The following PCDH15 variants were observed in gnomAD, a reference collection of about 807,000 sequenced individuals.
The protein encoded by PCDH15 is protocadherin-15.
A neutral mutation model predicts 178.5 loss-of-function variants in PCDH15; 129 were observed. The observed-to-expected ratio is 0.72, with a 90% CI of 0.63 to 0.84. The LOEUF (loss-of-function observed/expected upper bound fraction) is 0.84, where lower values mean the gene tolerates loss of function less well. PCDH15 is among the 40% of genes least tolerant of loss of function. The pLI is 0.00. For synonymous variants in PCDH15, 800 were observed against 732.0 expected (o/e 1.09, Z -1.50); for missense variants, 2,230 against 2,099.9 (o/e 1.06, Z -1.21).
At chr10:55,403,553 G>T (rs1234687415) in intron 2 of PCDH15, among the ~76,000 whole-genome samples, 2 of 151,830 alleles carry the variant, frequency 1.3e-5, no homozygotes, top group African/African-American at 4.8e-5. Flanking sequence ...TATGGTGAGA[G>T]ATAGGGGTCT....
chr10:55,101,461 C>G (rs918894133), intron 2 of PCDH15, among the ~76,000 whole-genome samples: 2 of 151,506 alleles, frequency 1.3e-5, no homozygotes, highest in African/African-American at 2.4e-5. Context: ...CCTCCACAGC[C>G]ATGCAAAATA....
intron 2 of PCDH15, among the ~76,000 whole-genome samples, chr10:55,541,771 A>G (rs1479242689): frequency 6.6e-6 from 1 of 151,834 alleles, no homozygotes; most frequent in African/African-American, 2.4e-5. Flanking sequence ...AGTTAATTAC[A>G]TTTTCATTTT....
chr10:53,935,561 A>G (rs1282340789), intron 25 of PCDH15, among the ~76,000 whole-genome samples: 1 of 152,188 alleles, frequency 6.6e-6, no homozygotes, highest in Non-Finnish European at 1.5e-5. Context: ...AATGAATTTT[A>G]TGGGAGCATA....
chr10:53,944,803 G>C (rs948657410), intron 23 of PCDH15, among the ~76,000 whole-genome samples: 2 of 152,158 alleles, frequency 1.3e-5, no homozygotes, highest in African/African-American at 4.8e-5. Context: ...GATATGAACT[G>C]GAACATGGGA....
At chr10:55,022,533 A>G (rs988027731) in intron 2 of PCDH15, among the ~76,000 whole-genome samples, 10 of 152,058 alleles carry the variant, frequency 6.6e-5, no homozygotes, top group African/African-American at 2.4e-4. Flanking sequence ...GCATTTGTTA[A>G]TTAGCTAGAT....
rs565934653 is a variant in PCDH15, at chr10:54,923,261, G to T, written c.-79-25761C>A. Among the ~76,000 whole-genome samples the T allele has an allele frequency of 8.0e-5, 11 of 138,304 alleles. 3 individuals are homozygous for T. Among genetic ancestry groups the T allele is most frequent in the African/African-American group, 2.7e-4 (11 of 40,038 alleles). 90.7% of individuals were successfully genotyped at this position (138,304 alleles called of 152,430 possible). A position where few individuals can be genotyped will look rare whatever the true frequency, so the allele number is the denominator to read the frequency against. ...GCAGTGCAGAGCAAAGGGTCCCTGG[G>T]TCTAGCCCATGAAACCAATTTTTTT... On this transcript the variant is annotated intron_variant, in intron 2 of 5. Transcript: ENST00000458638.
At position 54,878,287 on chromosome 10, in the gene PCDH15, C is replaced by A. The variant is rs1954190786; in HGVS notation, c.-29+19163G>T. Among the ~76,000 whole-genome samples, 5 of 152,106 alleles carry A rather than the reference C, an allele frequency of 3.3e-5. No homozygotes were observed. The South Asian group carries it at 8.3e-4, about 25-fold the overall frequency. ...CAGAAGTTCTCTCTTAAAGATCTAG[C>A]AATCAAGCAACTTTAGGGAAAATTA... On this transcript the variant is annotated intron_variant, in intron 3 of 5. Transcript: ENST00000458638.
At chr10:54,590,603 G>A (rs1428604193) in intron 2 of PCDH15, among the ~76,000 whole-genome samples, 1 of 152,110 alleles carries the variant, frequency 6.6e-6, no homozygotes, top group Non-Finnish European at 1.5e-5. Flanking sequence ...TAATGGTTGA[G>A]CAAAGTAGCA....
chr10:53,879,852 A>G (rs1441891507), intron 26 of PCDH15, among the ~76,000 whole-genome samples: 3 of 152,118 alleles, frequency 2.0e-5, no homozygotes, highest in Non-Finnish European at 4.4e-5. Context: ...TGGTTTTGCC[A>G]TGTTGGCCAG....
At chr10:54,969,959 G>A (rs1838890675) in intron 2 of PCDH15, among the ~76,000 whole-genome samples, 1 of 152,120 alleles carries the variant, frequency 6.6e-6, no homozygotes, top group Non-Finnish European at 1.5e-5. Context: ...CTTTTTGCAA[G>A]CCTTCCTATG....
chr10:54,602,943 CTT>C (rs2092602804), intron 2 of PCDH15, among the ~76,000 whole-genome samples: 2 of 148,112 alleles, frequency 1.4e-5, no homozygotes, highest in Non-Finnish European at 2.9e-5. Flanking sequence ...TTGTGGATGT[CTT>C]TGGTTATCAG....
chr10:55,512,563 G>A (rs1044888568), intron 2 of PCDH15, among the ~76,000 whole-genome samples: 2 of 151,942 alleles, frequency 1.3e-5, no homozygotes, highest in African/African-American at 2.4e-5. Context: ...GTGAACCTAG[G>A]GGAGAAAATT....
intron 8 of PCDH15, among the ~76,000 whole-genome samples, chr10:54,270,441 T>C (rs980619914): frequency 6.6e-6 from 1 of 152,126 alleles, no homozygotes; most frequent in Non-Finnish European, 1.5e-5. Context: ...ACTTCCTGAA[T>C]TGCACAAACT....
intron 3 of PCDH15, among the ~76,000 whole-genome samples, chr10:54,379,720 C>A (rs1455229743): frequency 1.3e-5 from 2 of 151,972 alleles, no homozygotes; most frequent in Admixed American, 1.3e-4. Context: ...ACTCAAATAC[C>A]ATTTTTCCCT....
chr10:55,369,889 C>T (rs1845460299), intron 2 of PCDH15, among the ~76,000 whole-genome samples: 1 of 151,794 alleles, frequency 6.6e-6, no homozygotes, highest in Admixed American at 6.6e-5. Context: ...GACTGAGACA[C>T]ATGCTTATTC....
intron 2 of PCDH15, among the ~76,000 whole-genome samples, chr10:55,105,947 G>A (rs1046676268): frequency 1.3e-5 from 2 of 151,898 alleles, no homozygotes; most frequent in African/African-American, 4.8e-5. Context: ...ATTTTATCCT[G>A]ACTAGCTCTC....
At chr10:55,327,990 T>C (rs1844079066) in intron 2 of PCDH15, among the ~76,000 whole-genome samples, 1 of 152,068 alleles carries the variant, frequency 6.6e-6, no homozygotes, top group Admixed American at 6.6e-5. Flanking sequence ...GTTTATGCTA[T>C]TGTTGTTTGG....
intron 3 of PCDH15, among the ~76,000 whole-genome samples, chr10:54,400,129 C>G (rs1951750757): frequency 6.6e-6 from 1 of 152,016 alleles, no homozygotes; most frequent in African/African-American, 2.4e-5. Context: ...GATTTCTAGC[C>G]AAACTTAGAA....
chr10:55,006,399 T>A (rs967520730), intron 2 of PCDH15, among the ~76,000 whole-genome samples: 1 of 152,224 alleles, frequency 6.6e-6, no homozygotes, highest in Non-Finnish European at 1.5e-5. Context: ...TTAAAGCACA[T>A]AAAACTTTAA....
Sources: gnomAD v4.1 joint callset for allele counts (sites outside exome capture counted in the v4.1 genomes callset) on GRCh38, gnomAD v4.1.1 for gene constraint, MANE v1.5 for transcripts, NCBI Gene and HGNC (gene_info 2026-07-23, HGNC 2026-07-21) for gene names.